The following PTPRD variants were observed in gnomAD, a reference collection of about 807,000 sequenced individuals.
PTPRD encodes receptor-type tyrosine-protein phosphatase delta.
Under a neutral mutation model 214.5 loss-of-function variants are expected in PTPRD, and 34 were observed. The observed-to-expected ratio is 0.16, with a 90% CI of 0.12 to 0.21. The LOEUF is 0.21. Ranked by LOEUF, PTPRD falls within the 10% of genes least tolerant of loss-of-function variation. PTPRD has a pLI of 1.00. For synonymous variants in PTPRD, 1,128 were observed against 845.7 expected, an observed-to-expected ratio of 1.33 and a Z score of -5.79; for missense variants, 2,545 against 2,398.7, an observed-to-expected ratio of 1.06 and a Z score of -1.27.
intron 11 of PTPRD, among the ~76,000 whole-genome samples, chr9:8,751,233 T>C (rs965756260): frequency 1.3e-5 from 2 of 152,082 alleles, no homozygotes; most frequent in Admixed American, 6.6e-5. Flanking sequence ...TAACACACTT[T>C]AGAATTTTTA....
chr9:9,473,131 C>T (rs1192345232), intron 8 of PTPRD, among the ~76,000 whole-genome samples: 1 of 152,168 alleles, frequency 6.6e-6, no homozygotes, highest in Non-Finnish European at 1.5e-5. Flanking sequence ...TCTCCCTACA[C>T]TTCCCACCTT....
intron 14 of PTPRD, among the ~76,000 whole-genome samples, chr9:8,566,529 A>G (rs955517254): frequency 2.0e-5 from 3 of 152,198 alleles, no homozygotes; most frequent in African/African-American, 7.2e-5. Flanking sequence ...AGCAATGTTC[A>G]TTATAGCCAT....
chr9:9,028,003 G>A (rs1198022571), intron 10 of PTPRD, among the ~76,000 whole-genome samples: 1 of 151,836 alleles, frequency 6.6e-6, no homozygotes, highest in Admixed American at 6.6e-5. Context: ...TTCTCTGAGT[G>A]AAATCTCATC....
In PTPRD at chr9:9,213,032, T is replaced by C. The variant is rs118116110; in HGVS notation, c.-202-29669A>G. On this transcript the variant is annotated intron_variant, in intron 9 of 45. Transcript: ENST00000381196. The stretch of plus-strand genomic sequence containing the variant: ...GGTCAGGTTAAGAGTAAGATGGTGA[T>C]TAAAATTTTAATTATAACATGATTA... 2.4e-3 allele frequency among the ~76,000 whole-genome samples: 366 copies of C among 152,280 alleles called. 1 individual carries two copies. Among genetic ancestry groups the C allele is most frequent in the South Asian group, 4.8e-3 (23 of 4,828 alleles).
At chr9:9,819,184 C>T (rs2049841646) in intron 5 of PTPRD, among the ~76,000 whole-genome samples, 1 of 152,122 alleles carries the variant, frequency 6.6e-6, no homozygotes, top group Non-Finnish European at 1.5e-5. Flanking sequence ...CCTCTCCCTG[C>T]CCCTCATAAC....
rs569260094 is a variant in PTPRD at position 10,361,336 on chromosome 9, C to A, written c.-599-20319G>T. ...AGAAAAGAGTGAAAAATGCAAATAA[C>A]CCCCTGGTGTTATCGAAATAGTTTG... On this transcript the variant is annotated intron_variant, in intron 2 of 45. Coordinates refer to ENST00000381196, the MANE Select transcript of PTPRD (RefSeq NM_002839.4). 1.6e-4 allele frequency among the ~76,000 whole-genome samples: 25 copies of A among 152,194 alleles called. No individual in the cohort carries two copies. In the South Asian group the frequency reaches 4.6e-3, roughly 28 times the overall value.
intron 10 of PTPRD, among the ~76,000 whole-genome samples, chr9:9,084,767 G>C (rs773420825): frequency 2.0e-5 from 3 of 152,118 alleles, no homozygotes; most frequent in Non-Finnish European, 4.4e-5. Flanking sequence ...GAAAGAGGAA[G>C]AGTAGATTGC....
rs141074091 is a variant in PTPRD at position 9,780,474 on chromosome 9, A to G, written c.-367-13623T>C. 2.3e-3 allele frequency among the ~76,000 whole-genome samples: 350 copies of G among 152,360 alleles called. 5 individuals are homozygous for G. The East Asian group carries it at 0.036, about 16-fold the overall frequency. ...GAACAGACATCTCACCAAAGAAGAT[A>G]TATAGATAACAAATATGCATATGAA... On this transcript the variant is annotated intron_variant, in intron 5 of 45. Transcript: ENST00000381196.
At chr9:9,219,656 T>C (rs1000113872) in intron 9 of PTPRD, among the ~76,000 whole-genome samples, 8 of 152,182 alleles carry the variant, frequency 5.3e-5, no homozygotes, top group African/African-American at 1.4e-4. Context: ...GAGCAATCCC[T>C]GTATCAACAC....
intron 9 of PTPRD, among the ~76,000 whole-genome samples, chr9:9,302,793 T>C (rs1356138986): frequency 6.6e-6 from 1 of 151,790 alleles, no homozygotes; most frequent in African/African-American, 2.4e-5. Flanking sequence ...ACTAGTTAAC[T>C]CCTATGTATG....
intron 2 of PTPRD, among the ~76,000 whole-genome samples, chr9:10,438,333 T>C (rs1410348955): frequency 6.6e-6 from 1 of 151,550 alleles, no homozygotes; most frequent in Non-Finnish European, 1.5e-5. Context: ...TTATGATAGG[T>C]TTATCAGATT....
intron 12 of PTPRD, among the ~76,000 whole-genome samples, chr9:8,702,213 T>C (rs1454998700): frequency 6.6e-6 from 1 of 151,986 alleles, no homozygotes; most frequent in Non-Finnish European, 1.5e-5. Context: ...TACGTTTATA[T>C]AGGACAGAAT....
intron 6 of PTPRD, among the ~76,000 whole-genome samples, chr9:9,738,833 C>T (rs564281896): frequency 3.9e-5 from 6 of 152,112 alleles, no homozygotes; most frequent in Admixed American, 3.3e-4. Flanking sequence ...CAAATATTTC[C>T]TCCCATTTTG....
intron 2 of PTPRD, among the ~76,000 whole-genome samples, chr9:10,536,570 G>T (rs1487859799): frequency 6.6e-6 from 1 of 152,120 alleles, no homozygotes; most frequent in Non-Finnish European, 1.5e-5. Flanking sequence ...ATTACAAGTA[G>T]AGTTAGAATG....
At chr9:10,395,633 T>C (rs940923007) in intron 2 of PTPRD, among the ~76,000 whole-genome samples, 1 of 151,954 alleles carries the variant, frequency 6.6e-6, no homozygotes, top group African/African-American at 2.4e-5. Context: ...CTAATTGTTG[T>C]CCTGCCATCC....
intron 5 of PTPRD, among the ~76,000 whole-genome samples, chr9:9,925,834 G>A (rs2084099270): frequency 6.6e-6 from 1 of 151,870 alleles, no homozygotes; most frequent in South Asian, 2.1e-4. Context: ...CCCTTTGTTT[G>A]TTTGTTTGTT....
chr9:9,488,411 T>C (rs1195105097), intron 8 of PTPRD, among the ~76,000 whole-genome samples: 2 of 152,148 alleles, frequency 1.3e-5, no homozygotes, highest in Non-Finnish European at 2.9e-5. Flanking sequence ...ACCTGCTGCC[T>C]CTACCTTGGC....
At chr9:10,589,904 G>A (rs1162952274) in intron 2 of PTPRD, among the ~76,000 whole-genome samples, 1 of 152,008 alleles carries the variant, frequency 6.6e-6, no homozygotes, top group Non-Finnish European at 1.5e-5. Context: ...AAATGCATAA[G>A]CTAGAATATT....
At chr9:9,871,593 G>A (rs551503349) in intron 5 of PTPRD, among the ~76,000 whole-genome samples, 1 of 151,604 alleles carries the variant, frequency 6.6e-6, no homozygotes, top group East Asian at 1.9e-4. Context: ...TTCTGGAAAG[G>A]GGCCTGGGAG....
Sources: gnomAD v4.1 joint callset for allele counts (sites outside exome capture counted in the v4.1 genomes callset) on GRCh38, gnomAD v4.1.1 for gene constraint, MANE v1.5 for transcripts, NCBI Gene and HGNC (gene_info 2026-07-23, HGNC 2026-07-21) for gene names.